Variants in SGCD observed in about 807,000 individuals in gnomAD.
The protein encoded by SGCD is delta-sarcoglycan.
SGCD carries 18 observed loss-of-function variants against 36.6 expected under a neutral mutation model. That is an observed-to-expected ratio of 0.49 (90% CI 0.34 to 0.73). The LOEUF is 0.73. Ranked by LOEUF, SGCD falls within the 30% of genes least tolerant of loss-of-function variation. The pLI, the probability that SGCD is intolerant of heterozygous loss-of-function variation, is 0.01. For missense variants in SGCD, 387 were observed against 346.7 expected, an observed-to-expected ratio of 1.12 and a Z score of -0.92; for synonymous variants, 133 against 130.6, an observed-to-expected ratio of 1.02 and a Z score of -0.12.
chr5:156,360,245 ATTT>A (rs34088944), intron 3 of SGCD, among the ~76,000 whole-genome samples: 173 of 138,148 alleles, frequency 1.3e-3, no homozygotes, highest in East Asian at 3.5e-3. Flanking sequence ...CCCTTTCCTA[ATTT>A]TTTTTTTTTT....
chr5:156,737,515 A>T (rs888630905), intron 7 of SGCD, among the ~76,000 whole-genome samples: 2 of 152,188 alleles, frequency 1.3e-5, no homozygotes, highest in Non-Finnish European at 1.5e-5. Flanking sequence ...AGGTATAGTT[A>T]TTTACATATA....
chr5:156,240,803 A>G (rs915372809), intron 3 of SGCD, among the ~76,000 whole-genome samples: 11 of 152,194 alleles, frequency 7.2e-5, no homozygotes, highest in African/African-American at 2.7e-4. Context: ...AGTATCAGTC[A>G]GCAACAATTT....
At chr5:155,948,245 C>G (rs1458547997) in intron 1 of SGCD, among the ~76,000 whole-genome samples, 1 of 152,158 alleles carries the variant, frequency 6.6e-6, no homozygotes, top group Non-Finnish European at 1.5e-5. Context: ...CCACCGCACT[C>G]CAGCCTGGGC....
intron 3 of SGCD, among the ~76,000 whole-genome samples, chr5:156,500,558 T>C (rs993990614): frequency 1.3e-5 from 2 of 152,256 alleles, no homozygotes; most frequent in Middle Eastern, 3.4e-3. Context: ...AGGGGGAAAA[T>C]CAAAGGAGCA....
chr5:156,222,622 G>T (rs1420296418), intron 3 of SGCD, among the ~76,000 whole-genome samples: 2 of 152,056 alleles, frequency 1.3e-5, no homozygotes, highest in African/African-American at 4.8e-5. Flanking sequence ...CTTTTGAAAT[G>T]GGATTTATTC....
At chr5:155,797,702 A>G in the SGCD span, among the ~76,000 whole-genome samples, 2 of 152,338 alleles carry the variant, frequency 1.3e-5, no homozygotes, top group South Asian at 2.1e-4. Flanking sequence ...CCAAGCTCTC[A>G]GAGCTTTTGT....
At chr5:156,090,764 G>T (rs187145213) in intron 1 of SGCD, among the ~76,000 whole-genome samples, 1 of 152,058 alleles carries the variant, frequency 6.6e-6, no homozygotes, top group African/African-American at 2.4e-5. Context: ...CAGAGCTGTC[G>T]TTTATAGACC....
intron 1 of SGCD, among the ~76,000 whole-genome samples, chr5:156,036,657 T>C (rs1759505480): frequency 6.6e-6 from 1 of 152,212 alleles, no homozygotes; most frequent in African/African-American, 2.4e-5. Flanking sequence ...TCTTGCTTCA[T>C]GGGTTATTTA....
intron 3 of SGCD, among the ~76,000 whole-genome samples, chr5:156,475,062 C>T (rs952022269): frequency 1.3e-5 from 2 of 152,120 alleles, no homozygotes; most frequent in Admixed American, 1.3e-4. Context: ...TATTCTTCTG[C>T]ACCATTAACC....
At chr5:156,157,231 A>G (rs1359629310) in intron 3 of SGCD, among the ~76,000 whole-genome samples, 1 of 151,782 alleles carries the variant, frequency 6.6e-6, no homozygotes, top group East Asian at 1.9e-4. Context: ...TCCTGACTCT[A>G]TGACAGAACT....
intron 4 of SGCD, among the ~76,000 whole-genome samples, chr5:156,574,119 C>G (rs1038713351): frequency 2.0e-5 from 3 of 152,188 alleles, no homozygotes; most frequent in African/African-American, 7.2e-5. Flanking sequence ...GCTATTCTCT[C>G]CCCCATACTT....
chr5:156,158,624 T>C lies in SGCD; in HGVS notation c.-44+34605T>C, dbSNP rs181759887. 2.8e-4 allele frequency among the ~76,000 whole-genome samples: 42 copies of C among 151,710 alleles called. 2 individuals are homozygous for C. Among genetic ancestry groups the C allele is most frequent in the African/African-American group, 9.3e-4 (38 of 41,020 alleles). On this transcript the variant is annotated intron_variant, in intron 3 of 9. Transcript: ENST00000517913. ...GGATGTTGAGGACCAGAGAGCCCAT[T>C]AATGCAGTCTTTACGGACAAGCCTT...
intron 1 of SGCD, among the ~76,000 whole-genome samples, chr5:155,919,059 T>A (rs1441736143): frequency 6.6e-6 from 1 of 152,244 alleles, no homozygotes; most frequent in African/African-American, 2.4e-5. Flanking sequence ...AGTTGACTCT[T>A]ATAAAACGCT....
chr5:156,258,753 G>A (rs1581200938), intron 3 of SGCD, among the ~76,000 whole-genome samples: 1 of 152,124 alleles, frequency 6.6e-6, no homozygotes, highest in South Asian at 2.1e-4. Flanking sequence ...ATCAAATATT[G>A]TAATTTCTCA....
chr5:156,280,124 A>T (rs1457328186), intron 3 of SGCD, among the ~76,000 whole-genome samples: 1 of 152,104 alleles, frequency 6.6e-6, no homozygotes, highest in Non-Finnish European at 1.5e-5. Flanking sequence ...AATATGTGCC[A>T]ATTTCAACAG....
chr5:156,430,204 C>T (rs545585137), intron 3 of SGCD, among the ~76,000 whole-genome samples: 1 of 152,046 alleles, frequency 6.6e-6, no homozygotes, highest in Admixed American at 6.6e-5. Flanking sequence ...ATACTTTGTT[C>T]AGTTTTTAAA....
chr5:156,703,120 C>T (rs1017432900), intron 7 of SGCD, among the ~76,000 whole-genome samples: 5 of 152,170 alleles, frequency 3.3e-5, no homozygotes, highest in East Asian at 3.8e-4. Context: ...CTTGCTATGC[C>T]GCCAGTAATA....
At chr5:156,299,401 C>T (rs986255245) in intron 3 of SGCD, among the ~76,000 whole-genome samples, 4 of 151,928 alleles carry the variant, frequency 2.6e-5, no homozygotes, top group Non-Finnish European at 4.4e-5. Flanking sequence ...CTTAGGAGAG[C>T]TTTGGCTATT....
chr5:156,224,786 T>A (rs1284522201), intron 3 of SGCD, among the ~76,000 whole-genome samples: 4 of 152,128 alleles, frequency 2.6e-5, no homozygotes, highest in Non-Finnish European at 4.4e-5. Flanking sequence ...TCTCAAGCAT[T>A]AGGCCTTTTC....
Sources: gnomAD v4.1 joint callset for allele counts (sites outside exome capture counted in the v4.1 genomes callset) on GRCh38, gnomAD v4.1.1 for gene constraint, MANE v1.5 for transcripts, NCBI Gene and HGNC (gene_info 2026-07-23, HGNC 2026-07-21) for gene names.